DRD3: variants seen among roughly 807,000 people sequenced by gnomAD.
DRD3 encodes D(3) dopamine receptor.
In DRD3, 19 loss-of-function variants were observed where a neutral mutation model predicts 36.3. The observed-to-expected ratio is 0.52, with a 90% CI of 0.36 to 0.77. DRD3 has a LOEUF of 0.77. DRD3 is among the 30% of genes least tolerant of loss of function. DRD3 has a pLI of 0.00. For synonymous variants in DRD3, 195 were observed against 203.7 expected (o/e 0.96, Z 0.36); for missense variants, 465 against 505.3 (o/e 0.92, Z 0.77).
At chr3:114,175,601 G>A (rs752081199) in intron 1 of DRD3, among the ~76,000 whole-genome samples, 63 of 152,222 alleles carry the variant, frequency 4.1e-4, no homozygotes, top group Non-Finnish European at 7.9e-4. Flanking sequence ...GAACAATCAC[G>A]GTTTAACCCA....
At chr3:114,181,559 T>C (rs868268917), upstream of DRD3, among the ~76,000 whole-genome samples, 4 of 152,242 alleles carry the variant, frequency 2.6e-5, no homozygotes, top group African/African-American at 9.6e-5. Flanking sequence ...GAGATATGCC[T>C]GGGCAGAAAT....
intron 2 of DRD3, among the ~76,000 whole-genome samples, chr3:114,165,848 T>C (rs1270184725): frequency 1.3e-5 from 2 of 152,140 alleles, no homozygotes; most frequent in Admixed American, 1.3e-4. Context: ...AGCTTATTGG[T>C]TCCCAAATGT....
Position 114,131,328 on chromosome 3 carries a change from C to T in DRD3, c.796G>A (p.Gly266Arg), listed in dbSNP as rs758150318. The change falls in exon 6 of 7, where the codon GGA becomes AGA. Residue 266 changes from glycine (G) to arginine (R), a missense_variant. Physicochemically the swap from Gly to Arg is moderately radical, Grantham distance 125 (BLOSUM62 -2). Transcript: ENST00000383673. ...YSICQDTALG[G>R]PGFQERGGEL... ...CCTCCTCTTTCTTGGAAGCCTGGTC[C>T]ACCCAAGGCAGTGTCCTGGCAGATG... is the stretch of plus-strand genomic sequence containing the variant. 4 of 1,614,228 alleles carry T rather than the reference C, an allele frequency of 2.5e-6. No homozygotes were observed. The highest frequency in any genetic ancestry group is 3.4e-6 in the Non-Finnish European group (4 of 1,180,046).
At chr3:114,157,645 C>T (rs2077694727) in intron 3 of DRD3, among the ~76,000 whole-genome samples, 1 of 152,014 alleles carries the variant, frequency 6.6e-6, no homozygotes, top group African/African-American at 2.4e-5. Context: ...TGAACAATAA[C>T]CAAAAAAATG....
chr3:114,167,951 G>A (rs997725720), intron 2 of DRD3, among the ~76,000 whole-genome samples: 2 of 152,164 alleles, frequency 1.3e-5, no homozygotes, highest in Non-Finnish European at 2.9e-5. Context: ...TTGCCTGCAG[G>A]TAAGGTCAGT....
At chr3:114,156,152 G>T (rs2077665252) in intron 3 of DRD3, among the ~76,000 whole-genome samples, 1 of 152,178 alleles carries the variant, frequency 6.6e-6, no homozygotes, top group African/African-American at 2.4e-5. Context: ...CACACCATTA[G>T]TACTGGGCGG....
chr3:114,147,551 AGT>A lies in DRD3; in HGVS notation c.388_389del (p.Thr130CysfsTer43). On this transcript the variant is annotated frameshift_variant, in exon 4 of 7. Transcript: ENST00000383673. LOFTEE classifies it high-confidence loss of function. ...GGTAGTGAACGGGCATGACCACTGC[AGT>A]GTACCTGAAAAAGCAAGGGGAGAGG... ...NLCAISIDRY[T>X]AVVMPVHYQH... 6.2e-7 allele frequency: 1 copy of A among 1,608,880 alleles called. No homozygotes were observed. The highest frequency in any genetic ancestry group is 1.1e-5 in the South Asian group (1 of 90,952).
At chr3:114,192,716 A>G (rs2078017006) in intron 1 of DRD3, among the ~76,000 whole-genome samples, 1 of 152,114 alleles carries the variant, frequency 6.6e-6, no homozygotes, top group African/African-American at 2.4e-5. Context: ...TTTTATGTCT[A>G]CTTATTCCAA....
At chr3:114,135,678 G>A in intron 5 of DRD3, among the ~76,000 whole-genome samples, 1 of 150,320 alleles carries the variant, frequency 6.7e-6, no homozygotes, top group South Asian at 2.1e-4. Context: ...TTTTTTGTTT[G>A]TTTTTTTTTG....
Position 114,147,507 on chromosome 3 carries a change from C to T in DRD3, c.434G>A (p.Ser145Asn). 1.9e-6 allele frequency: 3 copies of T among 1,614,132 alleles called. No individual in the cohort carries two copies. Among genetic ancestry groups the T allele is most frequent in the Non-Finnish European group, 2.5e-6 (3 of 1,180,030 alleles). Residue 145 changes from serine to asparagine, a missense_variant, in exon 4 of 7, where the codon AGC becomes AAC. Coordinates refer to ENST00000383673, the MANE Select transcript of DRD3 (RefSeq NM_000796.6). The part of the protein sequence containing the change: ...PVHYQHGTGQ[S>N]SCRRVALMIT... ...CATGAGGGCCACGCGCCGACAGGAG[C>T]TCTGTCCCGTGCCATGCTGGTAGTG...
chr3:114,171,764 G>T lies in DRD3; in HGVS notation c.229C>A (p.Leu77Met). The T allele has an allele frequency of 6.2e-7, 1 of 1,612,522 alleles. No homozygotes were observed. The highest frequency in any genetic ancestry group is 8.5e-7 in the Non-Finnish European group (1 of 1,179,194). ...CAGGGCATCACCAAGGTGGCCACCA[G>T]CAAGTCTGCCACAGCCAGGCTCACT... ...LVVSLAVADL[L>M]VATLVMPWVV... is the part of the protein sequence containing the mutation. Residue 77 changes from leucine to methionine, a missense_variant, in exon 2 of 7, where the codon CTG (leucine) becomes ATG (methionine). By Grantham distance (15) the Leu-to-Met change is conservative (BLOSUM62 2). Coordinates refer to ENST00000383673, the MANE Select transcript of DRD3 (RefSeq NM_000796.6).
At chr3:114,131,438 G>A in intron 5 of DRD3, 38 bp from the exon 6 acceptor site, 1 of 1,586,872 alleles carries the variant, frequency 6.3e-7, no homozygotes, top group Non-Finnish European at 8.6e-7. Context: ...ACATTTCTGG[G>A]GGTATTGTTT....
intron 3 of DRD3, among the ~76,000 whole-genome samples, chr3:114,155,382 G>A (rs1031897776): frequency 1.3e-5 from 2 of 152,058 alleles, no homozygotes; most frequent in African/African-American, 4.8e-5. Context: ...CTTCGTTTTC[G>A]CTTGGGATCT....
chr3:114,185,326 T>A (rs1576089242), intron 1 of DRD3, among the ~76,000 whole-genome samples: 1 of 152,340 alleles, frequency 6.6e-6, no homozygotes, highest in South Asian at 2.1e-4. Context: ...CTCAGACTGA[T>A]AATTTTCATT....
At chr3:114,197,345 T>C (rs892074089) in intron 1 of DRD3, among the ~76,000 whole-genome samples, 1 of 141,328 alleles carries the variant, frequency 7.1e-6, no homozygotes, top group African/African-American at 2.6e-5. Flanking sequence ...GGTCTTGAAC[T>C]CCTGGCCTCA....
chr3:114,171,644 T>C (rs1577618822), intron 2 of DRD3, 79 bp downstream of exon 2: 6 of 1,444,472 alleles, frequency 4.2e-6, no homozygotes, highest in Non-Finnish European at 4.6e-6. Flanking sequence ...GGGAGTCTTT[T>C]GAGCCCCAAA....
At chr3:114,193,834 T>C (rs976486407) in intron 1 of DRD3, among the ~76,000 whole-genome samples, 3 of 152,228 alleles carry the variant, frequency 2.0e-5, no homozygotes, top group Non-Finnish European at 4.4e-5. Context: ...TTTTTGAGTA[T>C]ACATGAGCAC....
intron 1 of DRD3, among the ~76,000 whole-genome samples, chr3:114,195,409 T>C (rs2107907931): frequency 6.6e-6 from 1 of 152,286 alleles, no homozygotes; most frequent in African/African-American, 2.4e-5. Flanking sequence ...TGACATACCC[T>C]GGAAAAAGTG....
chr3:114,149,354 A>T (rs2077596177), intron 3 of DRD3, among the ~76,000 whole-genome samples: 1 of 152,106 alleles, frequency 6.6e-6, no homozygotes, highest in South Asian at 2.1e-4. Context: ...CCATTGCAAT[A>T]TCTTCCCCAT....
Sources: gnomAD v4.1 joint callset for allele counts (sites outside exome capture counted in the v4.1 genomes callset) on GRCh38, gnomAD v4.1.1 for gene constraint, MANE v1.5 for transcripts, NCBI Gene and HGNC (gene_info 2026-07-23, HGNC 2026-07-21) for gene names.